Variants in SLC22A3 observed in about 807,000 individuals in gnomAD.
The protein encoded by SLC22A3 is EMT organic cation transporter 3.
Under a neutral mutation model 59.1 loss-of-function variants are expected in SLC22A3, and 51 were observed. That is an observed-to-expected ratio of 0.86 (90% CI 0.69 to 1.09). The LOEUF (loss-of-function observed/expected upper bound fraction) is 1.09, where lower values mean the gene tolerates loss of function less well. Among genes scored for constraint, SLC22A3 ranks in the 50% least tolerant of loss-of-function variants. SLC22A3 has a pLI of 0.00. For missense variants in SLC22A3, 711 were observed against 726.3 expected (o/e 0.98, Z 0.24); for synonymous variants, 325 against 292.0 (o/e 1.11, Z -1.15).
At chr6:160,378,176 T>C (rs980384316) in intron 1 of SLC22A3, among the ~76,000 whole-genome samples, 1 of 152,194 alleles carries the variant, frequency 6.6e-6, no homozygotes, top group Non-Finnish European at 1.5e-5. Flanking sequence ...CTCAAAAATA[T>C]GGTAGTAGAA....
At chr6:160,427,488 G>C (rs1388338962) in intron 5 of SLC22A3, among the ~76,000 whole-genome samples, 1 of 152,200 alleles carries the variant, frequency 6.6e-6, no homozygotes, top group African/African-American at 2.4e-5. Flanking sequence ...AGTGGGACAA[G>C]GTTTCAGGGA....
chr6:160,399,475 G>A (rs1356040832), intron 2 of SLC22A3, among the ~76,000 whole-genome samples: 1 of 152,044 alleles, frequency 6.6e-6, no homozygotes, highest in African/African-American at 2.4e-5. Flanking sequence ...ACTAAAGTGG[G>A]GAATTTCCCC....
chr6:160,362,754 G>T (rs928801488), intron 1 of SLC22A3, among the ~76,000 whole-genome samples: 1 of 152,204 alleles, frequency 6.6e-6, no homozygotes, highest in Non-Finnish European at 1.5e-5. Context: ...GTTCCCCCAC[G>T]CTCCAGCGCC....
chr6:160,430,312 G>A (rs1248686843), intron 5 of SLC22A3, among the ~76,000 whole-genome samples: 2 of 152,124 alleles, frequency 1.3e-5, no homozygotes, highest in Non-Finnish European at 2.9e-5. Flanking sequence ...GTAAAAAAAT[G>A]TTCTGAGTAG....
Position 160,348,835 on chromosome 6 carries a change from C to T in SLC22A3, c.416C>T (p.Thr139Ile). The T allele has an allele frequency of 1.3e-6, 2 of 1,584,418 alleles. No homozygotes were observed. Among genetic ancestry groups the T allele is most frequent in the Non-Finnish European group, 1.7e-6 (2 of 1,173,580 alleles). The change falls in exon 1 of 11, where the codon ACC becomes ATC. Residue 139 changes from threonine to isoleucine, a missense_variant. By Grantham distance (89) the Thr-to-Ile change is moderately conservative. Coordinates refer to ENST00000275300, the MANE Select transcript of SLC22A3 (RefSeq NM_021977.4). ...TGGCGCTACGCCCAGGCCCACTCCA[C>T]CATCGTCAGCGAGGTAAGGGCGCCC... is the stretch of plus-strand genomic sequence containing the variant. ...GGWRYAQAHSTIVSEFDLVCV... is the reference protein window; with the variant it reads ...GGWRYAQAHSIIVSEFDLVCV...
At chr6:160,437,801 C>T (rs184812368) in intron 7 of SLC22A3, among the ~76,000 whole-genome samples, 1 of 152,132 alleles carries the variant, frequency 6.6e-6, no homozygotes, top group Non-Finnish European at 1.5e-5. Context: ...ACTAAACATG[C>T]GTGAAGACTC....
At chr6:160,440,871 A>C (rs1266058823) in intron 7 of SLC22A3, among the ~76,000 whole-genome samples, 1 of 152,156 alleles carries the variant, frequency 6.6e-6, no homozygotes, top group African/African-American at 2.4e-5. Context: ...ACATCTCCAC[A>C]AATGGGGCAA....
chr6:160,433,725 T>A (rs1303500658), intron 5 of SLC22A3, among the ~76,000 whole-genome samples: 1 of 152,100 alleles, frequency 6.6e-6, no homozygotes, highest in Non-Finnish European at 1.5e-5. Context: ...TTTTTTTAAA[T>A]TTTTTTAAAA....
intron 5 of SLC22A3, among the ~76,000 whole-genome samples, chr6:160,426,930 G>A (rs931547688): frequency 1.6e-4 from 25 of 152,120 alleles, no homozygotes; most frequent in African/African-American, 6.0e-4. Flanking sequence ...GGTCCCTATT[G>A]TCTACATCTA....
chr6:160,391,198 G>C (rs1786241553), intron 1 of SLC22A3, among the ~76,000 whole-genome samples: 1 of 149,172 alleles, frequency 6.7e-6, no homozygotes, highest in African/African-American at 2.5e-5. Flanking sequence ...TTGAGGGAGG[G>C]GGGAAGCCAG....
rs545353549 is a variant in SLC22A3, at chr6:160,395,237, A to C, written c.430-2742A>C. 1.2e-4 allele frequency among the ~76,000 whole-genome samples: 19 copies of C among 152,374 alleles called. No individual in the cohort carries two copies. The South Asian group carries it at 3.7e-3, about 30-fold the overall frequency. On this transcript the variant is annotated intron_variant, in intron 1 of 10. Transcript: ENST00000275300. ...CAAGAAGATAATCAGTATTATATTA[A>C]AGAATATTTTATGGGTTTAAAGAAT...
chr6:160,427,111 T>A (rs1257420484), intron 5 of SLC22A3, among the ~76,000 whole-genome samples: 1 of 152,014 alleles, frequency 6.6e-6, no homozygotes, highest in Admixed American at 6.6e-5. Context: ...AGAGTCAGGA[T>A]GAAGACAAAG....
intron 7 of SLC22A3, among the ~76,000 whole-genome samples, chr6:160,442,388 C>A (rs181666054): frequency 6.6e-6 from 1 of 152,154 alleles, no homozygotes; most frequent in Non-Finnish European, 1.5e-5. Flanking sequence ...GCTGTGGGAA[C>A]GTGGTGGCTC....
chr6:160,445,866 G>T (rs1388815961), intron 9 of SLC22A3, among the ~76,000 whole-genome samples: 1 of 152,210 alleles, frequency 6.6e-6, no homozygotes, highest in African/African-American at 2.4e-5. Context: ...GCACCTGGAA[G>T]AGTTCAAGTG....
At chr6:160,425,962 C>T (rs9457923) in intron 5 of SLC22A3, 21 of 985,248 alleles carry the variant, frequency 2.1e-5, no homozygotes, top group African/African-American at 7.0e-5. Context: ...ATGGCTGATA[C>T]GTAAGAGAAT....
intron 2 of SLC22A3, among the ~76,000 whole-genome samples, chr6:160,401,489 T>G (rs1347637231): frequency 6.6e-6 from 1 of 151,988 alleles, no homozygotes; most frequent in Non-Finnish European, 1.5e-5. Context: ...AAAGACTTTG[T>G]TAGACAAAAA....
intron 9 of SLC22A3, among the ~76,000 whole-genome samples, chr6:160,446,156 C>T (rs907937462): frequency 2.0e-5 from 3 of 152,174 alleles, no homozygotes; most frequent in Non-Finnish European, 4.4e-5. Context: ...CCAGGTCCAA[C>T]CTAAGGACTG....
chr6:160,405,013 A>G (rs1605963), intron 2 of SLC22A3, among the ~76,000 whole-genome samples: 70,525 of 151,858 alleles, frequency 0.46, 16,675 homozygotes, highest in East Asian at 0.56. Context: ...ATACAACACC[A>G]AAAGCATAAT....
At position 160,348,551 on chromosome 6, in the gene SLC22A3, G is replaced by A; in HGVS notation, c.132G>A (p.Thr44=). 1 of 1,553,058 alleles carries A rather than the reference G, an allele frequency of 6.4e-7. No homozygotes were observed. Among genetic ancestry groups the A allele is most frequent in the East Asian group, 2.5e-5 (1 of 39,798 alleles). ...FLFVGVVFLG[T]QPDHYWCRGP... ...TCGTCGGCGTGGTCTTCCTGGGCAC[G>A]CAGCCCGACCACTACTGGTGCCGCG... Residue 44 remains threonine, a synonymous_variant, in exon 1 of 11, where the codon ACG becomes ACA. Transcript: ENST00000275300.
Sources: allele counts gnomAD v4.1 joint callset (sites outside exome capture counted in the v4.1 genomes callset), GRCh38; gene constraint gnomAD v4.1.1; transcripts MANE v1.5; gene names NCBI Gene and HGNC (gene_info 2026-07-23, HGNC 2026-07-21).